DNAH5: variants seen among roughly 807,000 people sequenced by gnomAD.
DNAH5 encodes the protein dynein axonemal heavy chain 5.
In DNAH5, 372 loss-of-function variants were observed where a neutral mutation model predicts 518.2. The ratio of observed to expected loss-of-function variants is 0.72; its 90% confidence interval spans 0.66 to 0.78. The LOEUF (loss-of-function observed/expected upper bound fraction) is 0.78. Ranked by LOEUF, DNAH5 falls within the 30% of genes least tolerant of loss-of-function variation. The pLI, the probability that DNAH5 is intolerant of heterozygous loss-of-function variation, is 0.00. For synonymous variants in DNAH5, 2,039 were observed against 2,025.9 expected, an observed-to-expected ratio of 1.01 and a Z score of -0.17; for missense variants, 5,523 against 5,687.0, an observed-to-expected ratio of 0.97 and a Z score of 0.93.
At chr5:13,870,267 G>T (rs1769898850) in intron 24 of DNAH5, among the ~76,000 whole-genome samples, 1 of 152,110 alleles carries the variant, frequency 6.6e-6, no homozygotes, top group Non-Finnish European at 1.5e-5. Flanking sequence ...CGACTACTGA[G>T]AGTGCTGGCT....
At chr5:13,733,530 G>A (rs1746909557) in intron 68 of DNAH5, among the ~76,000 whole-genome samples, 1 of 152,154 alleles carries the variant, frequency 6.6e-6, no homozygotes, top group East Asian at 1.9e-4. Flanking sequence ...TCTCTCCAGA[G>A]ACTCATCTGT....
chr5:13,806,861 A>G (rs1759689287), intron 47 of DNAH5, among the ~76,000 whole-genome samples: 1 of 152,204 alleles, frequency 6.6e-6, no homozygotes, highest in South Asian at 2.1e-4. Flanking sequence ...TCTGTGATAC[A>G]TAGAGCAAAA....
chr5:13,791,103 T>TA (rs1197423916), intron 50 of DNAH5, among the ~76,000 whole-genome samples: 14 of 151,356 alleles, frequency 9.2e-5, no homozygotes, highest in South Asian at 2.1e-4. Context: ...AAATAATTTT[T>TA]TAAAAAAAAA....
chr5:13,913,622 G>A, intron 11 of DNAH5, 121 bp downstream of exon 11: 2 of 1,183,036 alleles, frequency 1.7e-6, no homozygotes, highest in Non-Finnish European at 2.4e-6. Context: ...AAGGCCATGA[G>A]ATTATTTATA....
chr5:13,704,679 C>T (rs10513150), intron 76 of DNAH5, among the ~76,000 whole-genome samples: 70,528 of 152,012 alleles, frequency 0.46, 17,396 homozygotes, highest in Non-Finnish European at 0.55. Flanking sequence ...TTGACCTAAG[C>T]ATAGTATCCG....
At chr5:13,980,678 A>T (rs1782611233) in intron 1 of DNAH5, among the ~76,000 whole-genome samples, 1 of 152,030 alleles carries the variant, frequency 6.6e-6, no homozygotes, top group Non-Finnish European at 1.5e-5. Flanking sequence ...AGTAGCACCC[A>T]AATGGTTCTA....
intron 17 of DNAH5, 25 bp downstream of exon 17, chr5:13,890,951 C>T: frequency 6.2e-7 from 1 of 1,612,850 alleles, no homozygotes. Context: ...AAACCTTAAA[C>T]AAAAAAAATC....
chr5:13,919,280 T>G lies in DNAH5; in HGVS notation c.871A>C (p.Lys291Gln). The change falls in exon 7 of 79, where the codon AAA (lysine) becomes CAA (glutamine). Residue 291 changes from lysine (K) to glutamine (Q), a missense_variant. Lys to Gln is a moderately conservative substitution (Grantham distance 53). This residue lies in a region of DNAH5 where 5,121 missense variants were observed against 5,223.3 expected (regional missense o/e 0.98). Coordinates refer to ENST00000265104, the MANE Select transcript of DNAH5 (RefSeq NM_001369.3). ...VGPRAELEHW[K>Q]KRLSKFNYLL... ...TAGTTAAACTTGGAGAGTCTTTTTT[T>G]CCAGTGCTCCAGCTCCGCTCGTGGC... 6.2e-7 allele frequency: 1 copy of G among 1,614,154 alleles called. No individual in the cohort carries two copies. The highest frequency in any genetic ancestry group is 2.2e-5 in the East Asian group (1 of 44,886).
intron 73 of DNAH5, among the ~76,000 whole-genome samples, chr5:13,717,018 A>G (rs2126506619): frequency 6.6e-6 from 1 of 152,170 alleles, no homozygotes; most frequent in Middle Eastern, 3.4e-3. Context: ...TCCCATTTTC[A>G]TTTTCCAGGA....
At chr5:13,767,350 C>G (rs1286513546) in intron 58 of DNAH5, among the ~76,000 whole-genome samples, 1 of 152,194 alleles carries the variant, frequency 6.6e-6, no homozygotes, top group Non-Finnish European at 1.5e-5. Flanking sequence ...GTCTCAAACT[C>G]CTGACATCAG....
chr5:13,979,765 C>A (rs924299580), intron 1 of DNAH5, among the ~76,000 whole-genome samples: 3 of 151,980 alleles, frequency 2.0e-5, no homozygotes, highest in Non-Finnish European at 4.4e-5. Flanking sequence ...ACTTGATCAA[C>A]TGCATTTGGC....
At chr5:13,831,094 C>T (rs1005713513) in intron 35 of DNAH5, among the ~76,000 whole-genome samples, 13 of 152,298 alleles carry the variant, frequency 8.5e-5, no homozygotes, top group Non-Finnish European at 1.6e-4. Context: ...TAATACATTG[C>T]ATTTCCAAAA....
chr5:13,911,307 G>T, intron 12 of DNAH5, 79 bp downstream of exon 12: 2 of 1,067,832 alleles, frequency 1.9e-6, no homozygotes, highest in Non-Finnish European at 2.9e-6. Flanking sequence ...CCTTCTGATT[G>T]GGTAATGATT....
intron 16 of DNAH5, among the ~76,000 whole-genome samples, chr5:13,892,648 A>G (rs760985744): frequency 2.0e-5 from 3 of 152,178 alleles, no homozygotes; most frequent in Non-Finnish European, 4.4e-5. Context: ...TAAAACATCC[A>G]AATTGTTAAT....
intron 55 of DNAH5, 47 bp downstream of exon 55, chr5:13,776,392 A>G (rs1174643548): frequency 6.2e-7 from 1 of 1,612,660 alleles, no homozygotes. Context: ...AAGAACTAGA[A>G]TCCTTGAACA....
At chr5:13,851,713 C>A (rs1766864698) in intron 30 of DNAH5, among the ~76,000 whole-genome samples, 1 of 152,028 alleles carries the variant, frequency 6.6e-6, no homozygotes, top group Non-Finnish European at 1.5e-5. Flanking sequence ...AAATATTCTA[C>A]ATGAAAATTT....
At chr5:13,808,225 C>CAAAAAAAAAAAA (rs56686032) in intron 46 of DNAH5, among the ~76,000 whole-genome samples, 1 of 86,354 alleles carries the variant, frequency 1.2e-5, no homozygotes, top group African/African-American at 4.7e-5. Flanking sequence ...GACTCCATCT[C>CAAAAAAAAAAAA]AAAAAAAAAA....
At chr5:13,865,990 C>A in intron 26 of DNAH5, 84 bp from the exon 27 acceptor site, 2 of 1,088,172 alleles carry the variant, frequency 1.8e-6, no homozygotes, top group Non-Finnish European at 1.4e-6. Context: ...TGCAAACAAG[C>A]AAGCCAGAGA....
At position 13,940,299 on chromosome 5, in the gene DNAH5, C is replaced by T. The variant is rs185112693; in HGVS notation, c.57+4083G>A. Among the ~76,000 whole-genome samples the T allele has an allele frequency of 3.9e-4, 60 of 152,282 alleles. No homozygotes were observed. In the East Asian group the frequency reaches 9.6e-3, roughly 24 times the overall value. Reference sequence around the variant, plus strand: ...ATGGCCATATATCCTCTTTCCCTAACCCCACAGTGATTTCACTCCAAAATC... The same window carrying T: ...ATGGCCATATATCCTCTTTCCCTAATCCCACAGTGATTTCACTCCAAAATC... On this transcript the variant is annotated intron_variant, in intron 1 of 78. Transcript: ENST00000265104.
Sources: allele counts gnomAD v4.1 joint callset (sites outside exome capture counted in the v4.1 genomes callset), GRCh38; gene constraint gnomAD v4.1.1; regional missense constraint gnomAD v4.1.1; transcripts MANE v1.5; gene names NCBI Gene and HGNC (gene_info 2026-07-23, HGNC 2026-07-21).